Variants in RFWD3 observed in about 807,000 individuals in gnomAD.
RFWD3 encodes the protein E3 ubiquitin-protein ligase RFWD3.
Under a neutral mutation model 87.7 loss-of-function variants are expected in RFWD3, and 65 were observed. That is an observed-to-expected ratio of 0.74 (90% confidence interval 0.61 to 0.91). RFWD3 has a LOEUF of 0.91. RFWD3 is among the 40% of genes least tolerant of loss of function. The pLI, the probability that RFWD3 is intolerant of heterozygous loss-of-function variation, is 0.00. For missense variants in RFWD3, 1,078 were observed against 938.5 expected (o/e 1.15, Z -1.94); for synonymous variants, 433 against 352.8 (o/e 1.23, Z -2.55).
chr16:74,630,242 T>C (rs1396582520), intron 10 of RFWD3, among the ~76,000 whole-genome samples: 2 of 152,212 alleles, frequency 1.3e-5, no homozygotes, highest in African/African-American at 4.8e-5. Flanking sequence ...ATTACAGGCG[T>C]GTGCCACCAC....
At chr16:74,663,565 G>A (rs557814156) in intron 1 of RFWD3, among the ~76,000 whole-genome samples, 3 of 152,124 alleles carry the variant, frequency 2.0e-5, no homozygotes, top group Non-Finnish European at 2.9e-5. Flanking sequence ...CATAGTGGAC[G>A]AAGTACATAT....
intron 2 of RFWD3, among the ~76,000 whole-genome samples, chr16:74,652,430 A>G (rs939756103): frequency 2.6e-5 from 4 of 152,094 alleles, no homozygotes; most frequent in African/African-American, 9.7e-5. Flanking sequence ...AGCAATCTGT[A>G]TGCTGGTATT....
rs746182799 is a variant in RFWD3 at position 74,651,949 on chromosome 16, G to A, written c.692C>T (p.Ala231Val). 1 of 1,613,922 alleles carries A rather than the reference G, an allele frequency of 6.2e-7. No individual in the cohort carries two copies. The highest frequency in any genetic ancestry group is 1.1e-5 in the South Asian group (1 of 91,076). ...TAAAATGACAGCTCCAGATTCCTCT[G>A]CCTGGTCAACAACCCCTCCATACTC... ...SAEYGGVVDQ[A>V]EESGAVILEE... Residue 231 changes from alanine to valine, a missense_variant, in exon 3 of 13, where the codon GCA becomes GTA. Transcript: ENST00000361070.
At chr16:74,626,287 C>T (rs78219119) in intron 12 of RFWD3, 56 bp downstream of exon 12, 208,533 of 1,508,948 alleles carry the variant, frequency 0.14, 16,509 homozygotes, top group Admixed American at 0.31. Flanking sequence ...TTTTCCCTTA[C>T]CAATATTTTA....
At chr16:74,644,224 G>T in intron 6 of RFWD3, 138 bp downstream of exon 6, 1 of 792,120 alleles carries the variant, frequency 1.3e-6, no homozygotes. Context: ...GTGTAAGACA[G>T]ACTGCCAATG....
intron 3 of RFWD3, among the ~76,000 whole-genome samples, chr16:74,651,571 ATTG>A (rs1178678325): frequency 1.3e-5 from 2 of 152,188 alleles, no homozygotes; most frequent in East Asian, 3.9e-4. Context: ...GTAAGCTGAG[ATTG>A]TTGTCGCTGC....
chr16:74,629,804 T>C (rs1023376116), intron 10 of RFWD3, among the ~76,000 whole-genome samples: 2 of 152,170 alleles, frequency 1.3e-5, no homozygotes, highest in Non-Finnish European at 2.9e-5. Context: ...ACATAAATTA[T>C]CTGTTAAGAT....
chr16:74,644,881 T>C, intron 4 of RFWD3, 146 bp from the exon 5 acceptor site: 1 of 667,130 alleles, frequency 1.5e-6, no homozygotes, highest in South Asian at 2.1e-5. Context: ...ATGAATCACT[T>C]GTCATTCTTT....
At chr16:74,638,770 C>T (rs1959370820) in intron 6 of RFWD3, among the ~76,000 whole-genome samples, 1 of 152,156 alleles carries the variant, frequency 6.6e-6, no homozygotes, top group African/African-American at 2.4e-5. Context: ...ACAATTTTAA[C>T]AGCAATCTAG....
rs575234964 is a variant in RFWD3 at position 74,641,655 on chromosome 16, T to C, written c.1079+2707A>G. 2.0e-5 allele frequency among the ~76,000 whole-genome samples: 3 copies of C among 152,122 alleles called. No individual in the cohort carries two copies. In the East Asian group the frequency reaches 5.8e-4, roughly 29 times the overall value. On this transcript the variant is annotated intron_variant, in intron 6 of 12. Transcript: ENST00000361070. ...ATAAAAACTTTCTGGCCGGGTGCAGTGCCTCACGCCTGTAATCTCAGCACT... is the reference window on the plus strand; with the variant it reads ...ATAAAAACTTTCTGGCCGGGTGCAGCGCCTCACGCCTGTAATCTCAGCACT...
At chr16:74,649,082 AAAAT>A (rs749086452) in intron 4 of RFWD3, 46 bp downstream of exon 4, 187 of 1,295,436 alleles carry the variant, frequency 1.4e-4, no homozygotes, top group South Asian at 3.8e-4. Flanking sequence ...CTAGTCTCTA[AAAAT>A]AAATAAATAA....
intron 1 of RFWD3, among the ~76,000 whole-genome samples, chr16:74,664,999 C>T (rs1265175919): frequency 1.3e-5 from 2 of 152,180 alleles, no homozygotes; most frequent in Non-Finnish European, 2.9e-5. Flanking sequence ...GGATGTCACA[C>T]AAACGCTGTT....
intron 12 of RFWD3, among the ~76,000 whole-genome samples, chr16:74,624,854 T>TA (rs1238262781): frequency 6.6e-6 from 1 of 151,948 alleles, no homozygotes; most frequent in Non-Finnish European, 1.5e-5. Flanking sequence ...TAGCCAGGTG[T>TA]AGTGGTGCAT....
rs1472614446 is a variant in RFWD3 at position 74,630,918 on chromosome 16, T to A, written c.1617A>T (p.Gly539=). ...TNTVVQTYNA[G]RPVWSCCWCL... The stretch of plus-strand genomic sequence containing the variant: ...ACCAGCAACAGCTCCAGACAGGACG[T>A]CCAGCATTATAAGTCTGGACCACGG... Residue 539 remains glycine (G), a synonymous_variant, in exon 10 of 13, where the codon GGA becomes GGT. Transcript: ENST00000361070. 2 of 1,613,832 alleles carry A rather than the reference T, an allele frequency of 1.2e-6. No homozygotes were observed. Among genetic ancestry groups the A allele is most frequent in the Non-Finnish European group, 1.7e-6 (2 of 1,179,958 alleles).
intron 2 of RFWD3, among the ~76,000 whole-genome samples, chr16:74,653,765 A>C (rs1199048659): frequency 6.6e-6 from 1 of 152,248 alleles, no homozygotes; most frequent in East Asian, 1.9e-4. Context: ...AACATTGTTG[A>C]GGACTGCTTA....
intron 1 of RFWD3, among the ~76,000 whole-genome samples, chr16:74,663,408 G>C (rs977233511): frequency 2.0e-5 from 3 of 152,184 alleles, no homozygotes; most frequent in Admixed American, 2.0e-4. Context: ...AGGAACAATT[G>C]AGTGTCAAGT....
In RFWD3 at chr16:74,626,475, G is replaced by A; in HGVS notation, c.2049C>T (p.Ser683=). 6.2e-7 allele frequency: 1 copy of A among 1,614,148 alleles called. No homozygotes were observed. The highest frequency in any genetic ancestry group is 1.1e-5 in the South Asian group (1 of 91,078). Reference sequence around the variant, plus strand: ...CAAAAAATGTATGTACAGGCTGGCAGGAGCAGATTGGATTTCCAGTGTCAT... The same window carrying A: ...CAAAAAATGTATGTACAGGCTGGCAAGAGCAGATTGGATTTCCAGTGTCAT... ...RLDDTGNPIC[S]CQPVHTFFGG... is the part of the protein sequence containing the mutation. The change falls in exon 12 of 13, where the codon TCC becomes TCT. Residue 683 remains serine (S), a synonymous_variant. Coordinates refer to ENST00000361070, the MANE Select transcript of RFWD3 (RefSeq NM_018124.4).
intron 2 of RFWD3, among the ~76,000 whole-genome samples, chr16:74,656,989 A>T (rs537494408): frequency 4.6e-5 from 7 of 152,204 alleles, no homozygotes; most frequent in African/African-American, 1.4e-4. Context: ...TTTCCTTCTT[A>T]TTGGTTAGTT....
chr16:74,647,568 G>GT (rs1282672898), intron 4 of RFWD3, among the ~76,000 whole-genome samples: 1 of 151,646 alleles, frequency 6.6e-6, no homozygotes, highest in Non-Finnish European at 1.5e-5. Context: ...GATTACAGGT[G>GT]TGAGCCACTG....
Sources: allele counts gnomAD v4.1 joint callset (sites outside exome capture counted in the v4.1 genomes callset), GRCh38; gene constraint gnomAD v4.1.1; transcripts MANE v1.5; gene names NCBI Gene and HGNC (gene_info 2026-07-23, HGNC 2026-07-21).